CORO2B: variants seen among roughly 807,000 people sequenced by gnomAD.
The protein encoded by CORO2B is coronin-2B.
A neutral mutation model predicts 58.8 loss-of-function variants in CORO2B; 26 were observed. That is an observed-to-expected ratio of 0.44 (90% CI 0.32 to 0.61). The LOEUF is 0.61. Among genes scored for constraint, CORO2B ranks in the 20% least tolerant of loss-of-function variants. CORO2B has a pLI of 0.04. For missense variants in CORO2B, 460 were observed against 645.1 expected (o/e 0.71, Z 3.11); for synonymous variants, 242 against 253.8 (o/e 0.95, Z 0.44).
intron 1 of CORO2B, among the ~76,000 whole-genome samples, chr15:68,615,811 A>G (rs1288888017): frequency 6.6e-6 from 1 of 152,218 alleles, no homozygotes; most frequent in Non-Finnish European, 1.5e-5. Context: ...CAGAGCCATG[A>G]GAAATAAATT....
rs776231379 is a variant in CORO2B at position 68,694,066 on chromosome 15, C to T, written c.217-1074C>T. Among the ~76,000 whole-genome samples the T allele has an allele frequency of 3.9e-5, 6 of 152,112 alleles. No homozygotes were observed. In the East Asian group the frequency reaches 5.8e-4, roughly 15 times the overall value. ...GGCCAGGCTGGTCTCAAACTCCTGA[C>T]GTCAGGTGATCTGCCCGCCTTGGCC... On this transcript the variant is annotated intron_variant, in intron 2 of 11. Transcript: ENST00000261861.
At chr15:68,709,349 T>C (rs1231679803) in intron 3 of CORO2B, among the ~76,000 whole-genome samples, 1 of 152,206 alleles carries the variant, frequency 6.6e-6, no homozygotes, top group Non-Finnish European at 1.5e-5. Flanking sequence ...TTATTTTTTT[T>C]TGGTTGGCTA....
At chr15:68,567,955 G>C in the CORO2B span, among the ~76,000 whole-genome samples, 2 of 152,196 alleles carry the variant, frequency 1.3e-5, no homozygotes, top group African/African-American at 2.4e-5. Context: ...GGAGGCGGAG[G>C]TTGCAGTGAG....
chr15:68,579,196 GC>G lies in CORO2B; in HGVS notation c.-63del. The G allele has an allele frequency of 1.0e-6, 1 of 985,372 alleles. No homozygotes were observed. Among genetic ancestry groups the G allele is most frequent in the Non-Finnish European group, 1.2e-6 (1 of 830,408 alleles). 61.0% of individuals were successfully genotyped at this position (985,372 alleles called of 1,614,324 possible). A position where few individuals can be genotyped will look rare whatever the true frequency, so the allele number is the denominator to read the frequency against. On this transcript the variant is annotated 5_prime_UTR_variant, in exon 1 of 12. Transcript: ENST00000261861. ...AGCTGCCGGACCCCCTTCCGCCGCC[GC>G]CCCGGGCCGCCGCCGCCGCCCCCGC...
At chr15:68,667,862 A>G (rs1902245811) in intron 2 of CORO2B, among the ~76,000 whole-genome samples, 1 of 152,220 alleles carries the variant, frequency 6.6e-6, no homozygotes. Context: ...AGTGAAGACC[A>G]TGGGCTTCGG....
At chr15:68,577,323 C>G (rs1015078081), upstream of CORO2B, among the ~76,000 whole-genome samples, 1 of 152,186 alleles carries the variant, frequency 6.6e-6, no homozygotes, top group African/African-American at 2.4e-5. Context: ...ACTGTGTGCT[C>G]TTGGGCAATT....
chr15:68,655,547 C>G (rs917242798), intron 2 of CORO2B, among the ~76,000 whole-genome samples: 2 of 152,190 alleles, frequency 1.3e-5, no homozygotes, highest in African/African-American at 4.8e-5. Flanking sequence ...GCATGACATG[C>G]CTGGACACCC....
intron 1 of CORO2B, among the ~76,000 whole-genome samples, chr15:68,597,005 T>G (rs185494325): frequency 6.6e-6 from 1 of 152,140 alleles, no homozygotes; most frequent in Admixed American, 6.5e-5. Context: ...GCAGAAGTCC[T>G]CAGGGACCGC....
the CORO2B span, among the ~76,000 whole-genome samples, chr15:68,527,448 T>C: frequency 1.3e-5 from 2 of 152,198 alleles, no homozygotes; most frequent in Non-Finnish European, 2.9e-5. Flanking sequence ...TCTTTTCCTT[T>C]ATTGAAATAT....
At chr15:68,529,392 T>C in the CORO2B span, among the ~76,000 whole-genome samples, 3 of 152,250 alleles carry the variant, frequency 2.0e-5, no homozygotes, top group Non-Finnish European at 4.4e-5. Flanking sequence ...AAAGATGAGA[T>C]ATCACAACGT....
chr15:68,581,288 G>C (rs1899419334), intron 1 of CORO2B, among the ~76,000 whole-genome samples: 1 of 152,144 alleles, frequency 6.6e-6, no homozygotes, highest in Non-Finnish European at 1.5e-5. Flanking sequence ...GCTTAAGCAA[G>C]CTCAGGGGAT....
At chr15:68,531,060 C>T in the CORO2B span, among the ~76,000 whole-genome samples, 1 of 152,212 alleles carries the variant, frequency 6.6e-6, no homozygotes, top group East Asian at 1.9e-4. Flanking sequence ...TCATCATAGT[C>T]CAACTTTAAA....
At chr15:68,554,245 G>A in the CORO2B span, among the ~76,000 whole-genome samples, 1 of 152,092 alleles carries the variant, frequency 6.6e-6, no homozygotes. Flanking sequence ...GAAATTGAGT[G>A]GACTAGACTC....
chr15:68,554,026 C>T, the CORO2B span, among the ~76,000 whole-genome samples: 3 of 152,150 alleles, frequency 2.0e-5, no homozygotes, highest in African/African-American at 7.2e-5. Flanking sequence ...ATGTTGGAGG[C>T]TGAGCAGTAG....
chr15:68,655,332 G>C (rs1901771062), intron 2 of CORO2B, among the ~76,000 whole-genome samples: 1 of 152,292 alleles, frequency 6.6e-6, no homozygotes, highest in Non-Finnish European at 1.5e-5. Flanking sequence ...ATGAGCATGA[G>C]CTCTGTGCTC....
chr15:68,605,633 A>T (rs1252056663), intron 1 of CORO2B, among the ~76,000 whole-genome samples: 1 of 150,302 alleles, frequency 6.7e-6, no homozygotes, highest in African/African-American at 2.4e-5. Context: ...GAAAGTACAG[A>T]TGCTTCAAGA....
chr15:68,575,128 A>C (rs1230961768), upstream of CORO2B, among the ~76,000 whole-genome samples: 1 of 152,152 alleles, frequency 6.6e-6, no homozygotes, highest in Non-Finnish European at 1.5e-5. Context: ...ACATTCTCTG[A>C]AGCTGAGAGG....
intron 1 of CORO2B, among the ~76,000 whole-genome samples, chr15:68,623,898 C>T (rs1900600008): frequency 6.6e-6 from 1 of 152,172 alleles, no homozygotes; most frequent in South Asian, 2.1e-4. Context: ...GTGGGTCGCA[C>T]AGACTCCTTG....
At chr15:68,563,665 T>A in the CORO2B span, among the ~76,000 whole-genome samples, 1 of 151,968 alleles carries the variant, frequency 6.6e-6, no homozygotes, top group African/African-American at 2.4e-5. Flanking sequence ...AAAAAGGAGA[T>A]AAGACTCATA....
Sources: gnomAD v4.1 joint callset for allele counts (sites outside exome capture counted in the v4.1 genomes callset) on GRCh38, gnomAD v4.1.1 for gene constraint, MANE v1.5 for transcripts, NCBI Gene and HGNC (gene_info 2026-07-23, HGNC 2026-07-21) for gene names.